The following DSCAM variants were observed in gnomAD, a reference collection of about 807,000 sequenced individuals.
The protein encoded by DSCAM is DS cell adhesion molecule, also known as cell adhesion molecule DSCAM.
A neutral mutation model predicts 217.7 loss-of-function variants in DSCAM; 47 were observed. The observed-to-expected ratio is 0.22, with a 90% CI of 0.17 to 0.28. The LOEUF is 0.28. DSCAM is among the 10% of genes least tolerant of loss of function. The pLI, the probability that DSCAM is intolerant of heterozygous loss-of-function variation, is 1.00. For missense variants in DSCAM, 2,080 were observed against 2,618.3 expected, an observed-to-expected ratio of 0.79 and a Z score of 4.49; for synonymous variants, 1,056 against 1,015.3, an observed-to-expected ratio of 1.04 and a Z score of -0.76.
At chr21:40,686,886 C>T (rs1247877037) in intron 3 of DSCAM, among the ~76,000 whole-genome samples, 8 of 151,984 alleles carry the variant, frequency 5.3e-5, no homozygotes, top group South Asian at 2.1e-4. Context: ...ATTTAGTGAG[C>T]GATAGACTTA....
At chr21:40,245,210 T>C (rs1601479103) in intron 11 of DSCAM, among the ~76,000 whole-genome samples, 1 of 152,214 alleles carries the variant, frequency 6.6e-6, no homozygotes, top group Non-Finnish European at 1.5e-5. Context: ...ACATGATGGG[T>C]GATTAAGGTG....
chr21:40,369,005 T>G (rs2074864344), intron 4 of DSCAM, 94 bp downstream of exon 4: 1 of 1,368,172 alleles, frequency 7.3e-7, no homozygotes, highest in Non-Finnish European at 9.6e-7. Flanking sequence ...AGGCTCCATT[T>G]TAGTGGCAAC....
At chr21:40,691,302 A>C (rs1232484046) in intron 3 of DSCAM, among the ~76,000 whole-genome samples, 1 of 152,230 alleles carries the variant, frequency 6.6e-6, no homozygotes, top group African/African-American at 2.4e-5. Flanking sequence ...GCCAGAGCAG[A>C]CCATGAAGCT....
chr21:40,635,245 A>G (rs1463761074), intron 3 of DSCAM, among the ~76,000 whole-genome samples: 1 of 152,210 alleles, frequency 6.6e-6, no homozygotes, highest in African/African-American at 2.4e-5. Flanking sequence ...CACACAGCAG[A>G]CAGCCTGGAG....
At chr21:40,124,068 G>T in intron 20 of DSCAM, 127 bp downstream of exon 20, 1 of 1,308,436 alleles carries the variant, frequency 7.6e-7, no homozygotes, top group Non-Finnish European at 1.1e-6. Context: ...GAGACAGCAG[G>T]GGCAAAACAA....
intron 16 of DSCAM, among the ~76,000 whole-genome samples, chr21:40,160,799 A>AT (rs2090532094): frequency 6.6e-6 from 1 of 152,242 alleles, no homozygotes; most frequent in East Asian, 1.9e-4. Flanking sequence ...CCGTTATACA[A>AT]AAAATCAAAG....
intron 20 of DSCAM, among the ~76,000 whole-genome samples, chr21:40,096,316 T>C (rs2089676033): frequency 6.6e-6 from 1 of 152,098 alleles, no homozygotes; most frequent in South Asian, 2.1e-4. Flanking sequence ...ATGTCTCATG[T>C]CTCGCTAAAA....
At chr21:40,149,862 C>G (rs1352675962) in intron 16 of DSCAM, among the ~76,000 whole-genome samples, 1 of 150,754 alleles carries the variant, frequency 6.6e-6, no homozygotes, top group African/African-American at 2.5e-5. Context: ...ATCACTCCAT[C>G]ACAATCCCAG....
intron 6 of DSCAM, among the ~76,000 whole-genome samples, chr21:40,342,042 C>G (rs1036170005): frequency 6.6e-6 from 1 of 152,120 alleles, no homozygotes; most frequent in African/African-American, 2.4e-5. Context: ...CCAGAAATAC[C>G]GTGGAAGGCA....
At chr21:40,486,550 G>A (rs1438365928) in intron 3 of DSCAM, among the ~76,000 whole-genome samples, 8 of 152,008 alleles carry the variant, frequency 5.3e-5, no homozygotes, top group Admixed American at 5.2e-4. Context: ...GGAAGGAGAA[G>A]GAAGGAATGA....
chr21:40,017,699 G>C lies in DSCAM; in HGVS notation c.5687-4313C>G, dbSNP rs536497041. On this transcript the variant is annotated intron_variant, in intron 32 of 32. Coordinates refer to ENST00000400454, the MANE Select transcript of DSCAM (RefSeq NM_001389.5). ...CCTGAGTAGCTGGGATTACAGGCATGCACCACCACGCCTGGCTAATTTTTG... is the reference window on the plus strand; with the variant it reads ...CCTGAGTAGCTGGGATTACAGGCATCCACCACCACGCCTGGCTAATTTTTG... 5.9e-5 allele frequency among the ~76,000 whole-genome samples: 9 copies of C among 152,076 alleles called. No homozygotes were observed. In the South Asian group the frequency reaches 8.3e-4, roughly 14 times the overall value.
chr21:40,738,760 G>A (rs78515102), intron 1 of DSCAM, among the ~76,000 whole-genome samples: 3,315 of 152,306 alleles, frequency 0.022, 127 homozygotes, highest in African/African-American at 0.076. Flanking sequence ...CCAGTCAGGG[G>A]ACCACACTTG....
At chr21:40,121,971 G>A (rs932020867) in intron 20 of DSCAM, among the ~76,000 whole-genome samples, 10 of 152,160 alleles carry the variant, frequency 6.6e-5, no homozygotes, top group East Asian at 1.9e-4. Flanking sequence ...GATTACAGGC[G>A]TGAGCCACCG....
Position 40,011,913 on chromosome 21 carries a change from G to A in DSCAM, c.*1121C>T, listed in dbSNP as rs73221332. 27,477 of 152,136 alleles carry A rather than the reference G, an allele frequency of 0.18. 2,711 individuals are homozygous for A. Among genetic ancestry groups the A allele is most frequent in the Non-Finnish European group, 0.22 (14,812 of 67,990 alleles). 9.4% of individuals were successfully genotyped at this position (152,136 alleles called of 1,614,324 possible). ...GGCTACATTTCAGACTCCAGAGCACGGGTCTGGCAAATGTTTCCTGTAATG... is the reference window on the plus strand; with the variant it reads ...GGCTACATTTCAGACTCCAGAGCACAGGTCTGGCAAATGTTTCCTGTAATG... On this transcript the variant is annotated 3_prime_UTR_variant, in exon 33 of 33. Coordinates refer to ENST00000400454, the MANE Select transcript of DSCAM (RefSeq NM_001389.5).
intron 3 of DSCAM, among the ~76,000 whole-genome samples, chr21:40,412,586 GT>G (rs543498595): frequency 6.6e-6 from 1 of 152,168 alleles, no homozygotes; most frequent in Non-Finnish European, 1.5e-5. Flanking sequence ...ATGATTTAGG[GT>G]ATCTGGTGGA....
intron 20 of DSCAM, among the ~76,000 whole-genome samples, chr21:40,104,248 ACT>A (rs2089790050): frequency 6.6e-6 from 1 of 152,228 alleles, no homozygotes; most frequent in Non-Finnish European, 1.5e-5. Context: ...GTACAAAAAA[ACT>A]AATTTGTTAT....
At chr21:40,283,121 G>A (rs1007597081) in intron 10 of DSCAM, among the ~76,000 whole-genome samples, 1 of 152,164 alleles carries the variant, frequency 6.6e-6, no homozygotes, top group African/African-American at 2.4e-5. Flanking sequence ...TTTAATTGGA[G>A]GGAAGTAGAC....
At chr21:40,529,186 G>A (rs1192304013) in intron 3 of DSCAM, among the ~76,000 whole-genome samples, 1 of 152,082 alleles carries the variant, frequency 6.6e-6, no homozygotes, top group African/African-American at 2.4e-5. Context: ...ATAAGCCACT[G>A]CTTCTGGCCT....
rs748635134 is a variant in DSCAM, at chr21:40,055,779, C to T, written c.4981G>A (p.Asp1661Asn). Residue 1661 changes from aspartate (D) to asparagine (N), a missense_variant, in exon 29 of 33, where the codon GAC becomes AAC. Around this residue, in one of 5 missense-constraint regions of DSCAM, gnomAD observed 1,144 missense variants for 1,421.1 expected, o/e 0.81. Coordinates refer to ENST00000400454, the MANE Select transcript of DSCAM (RefSeq NM_001389.5). ...ATCAAAAGCTGAGCCCTGGGTATGT[C>T]GATGTGCATTCGCAGGGTCTGCTGT... Reference protein sequence around the residue: ...KQQQTLRMHIDIPRAQLLIEE... With the variant: ...KQQQTLRMHINIPRAQLLIEE... The T allele has an allele frequency of 5.0e-6, 8 of 1,613,862 alleles. No homozygotes were observed. The highest frequency in any genetic ancestry group is 1.1e-5 in the South Asian group (1 of 91,072).
Sources: gnomAD v4.1 joint callset for allele counts (sites outside exome capture counted in the v4.1 genomes callset) on GRCh38, gnomAD v4.1.1 for gene constraint, gnomAD v4.1.1 regional missense constraint, MANE v1.5 for transcripts, NCBI Gene and HGNC (gene_info 2026-07-23, HGNC 2026-07-21) for gene names.